The following SERPIND1 variants were observed in gnomAD, a reference collection of about 807,000 sequenced individuals.
SERPIND1 encodes the protein serpin family D member 1, also known as heparin cofactor 2.
SERPIND1 carries 34 observed loss-of-function variants against 35.0 expected under a neutral mutation model. The observed-to-expected ratio is 0.97, with a 90% CI of 0.74 to 1.29. The LOEUF is 1.29. SERPIND1 is among the 50% of genes most tolerant of loss of function. SERPIND1 has a pLI of 0.00. For synonymous variants in SERPIND1, 236 were observed against 241.1 expected (o/e 0.98, Z 0.19); for missense variants, 633 against 637.7 (o/e 0.99, Z 0.08).
In SERPIND1 at chr22:20,786,969, G is replaced by C; in HGVS notation, c.1403G>C (p.Arg468Pro). 6.2e-7 allele frequency: 1 copy of C among 1,614,160 alleles called. No individual in the cohort carries two copies. The highest frequency in any genetic ancestry group is 1.1e-5 in the South Asian group (1 of 91,078). ...VGFMPLSTQV[R>P]FTVDRPFLFL... ...TTCATGCCGCTGTCCACCCAAGTCC[G>C]CTTCACTGTCGACCGCCCCTTTCTT... is the stretch of plus-strand genomic sequence containing the variant. The change falls in exon 5 of 5, where the codon CGC becomes CCC. Residue 468 changes from arginine (R) to proline (P), a missense_variant. Arg to Pro is a moderately radical substitution (Grantham distance 103). Transcript: ENST00000215727.
At chr22:20,777,675 G>T (rs80306064) in intron 1 of SERPIND1, among the ~76,000 whole-genome samples, 22 of 152,324 alleles carry the variant, frequency 1.4e-4, no homozygotes, top group African/African-American at 5.1e-4. Context: ...GGGGTGATTA[G>T]AAGTTGGGAC....
intron 1 of SERPIND1, among the ~76,000 whole-genome samples, chr22:20,774,695 A>G (rs1933113105): frequency 6.6e-6 from 1 of 150,470 alleles, no homozygotes; most frequent in African/African-American, 2.4e-5. Context: ...CGGGAGGCAG[A>G]GGTTGCAGTG....
chr22:20,787,467 G>A lies in SERPIND1; in HGVS notation c.*401G>A, dbSNP rs1343577268. 6 of 332,790 alleles carry A rather than the reference G, an allele frequency of 1.8e-5. No individual in the cohort carries two copies. The highest frequency in any genetic ancestry group is 4.4e-5 in the Admixed American group (1 of 22,870). The allele number at this position is 332,790 out of a possible 1,614,324, so 20.6% of individuals were successfully genotyped here. ...AATACCAAGCACAGAAATGAGTGGT[G>A]TGACTAATTCCTTACCTCTCCCAAG... On this transcript the variant is annotated 3_prime_UTR_variant, in exon 5 of 5. Transcript: ENST00000215727.
rs1310121084 is a variant in SERPIND1 at position 20,787,057 on chromosome 22, C to G, written c.1491C>G (p.Ser497Arg). Residue 497 changes from serine (S) to arginine (R), a missense_variant, in exon 5 of 5, where the codon AGC (serine) becomes AGG (arginine). Coordinates refer to ENST00000215727, the MANE Select transcript of SERPIND1 (RefSeq NM_000185.4). ...TCATGGGAAGAGTGGCCAACCCCAGCAGGTCCTAGAGGTGGAGGTCTAGGT... is the reference window on the plus strand; with the variant it reads ...TCATGGGAAGAGTGGCCAACCCCAGGAGGTCCTAGAGGTGGAGGTCTAGGT... ...LLFMGRVANP[S>R]RS is the part of the protein sequence containing the mutation. 1.9e-6 allele frequency: 3 copies of G among 1,614,128 alleles called. No homozygotes were observed. Among genetic ancestry groups the G allele is most frequent in the Admixed American group, 3.3e-5 (2 of 60,030 alleles).
intron 2 of SERPIND1, among the ~76,000 whole-genome samples, chr22:20,780,701 G>A (rs1425043290): frequency 2.0e-5 from 3 of 149,038 alleles, no homozygotes; most frequent in African/African-American, 5.0e-5. Flanking sequence ...ACTTGAACCT[G>A]GAAGGCAGAG....
intron 1 of SERPIND1, among the ~76,000 whole-genome samples, chr22:20,774,976 T>C (rs990004819): frequency 2.6e-5 from 4 of 152,152 alleles, no homozygotes; most frequent in Non-Finnish European, 2.9e-5. Flanking sequence ...TCTACTACAC[T>C]ATTCTTTCAA....
chr22:20,780,051 G>A lies in SERPIND1; in HGVS notation c.739G>A (p.Glu247Lys), dbSNP rs1297371941. The change falls in exon 2 of 5, where the codon GAG (glutamate) becomes AAG (lysine). Residue 247 changes from glutamate (E) to lysine (K), a missense_variant. Physicochemically the swap from Glu to Lys is moderately conservative, Grantham distance 56 (BLOSUM62 1). Coordinates refer to ENST00000215727, the MANE Select transcript of SERPIND1 (RefSeq NM_000185.4). ...KTKVREYYFA[E>K]AQIADFSDPA... is the part of the protein sequence containing the mutation. ...TAAAGTAAGAGAGTATTACTTTGCTGAGGCCCAGATAGCTGACTTCTCAGA... is the reference window on the plus strand; with the variant it reads ...TAAAGTAAGAGAGTATTACTTTGCTAAGGCCCAGATAGCTGACTTCTCAGA... The A allele has an allele frequency of 1.2e-6, 2 of 1,614,078 alleles. No homozygotes were observed. Among genetic ancestry groups the A allele is most frequent in the East Asian group, 2.2e-5 (1 of 44,874 alleles).
In SERPIND1 at chr22:20,786,232, C is replaced by T. The variant is rs1289277578; in HGVS notation, c.1308+84C>T. 7 of 1,442,016 alleles carry T rather than the reference C, an allele frequency of 4.9e-6. 1 individual carries two copies. Among genetic ancestry groups the T allele is most frequent in the Non-Finnish European group, 5.8e-6 (6 of 1,029,716 alleles). 89.3% of individuals were successfully genotyped at this position (1,442,016 alleles called of 1,614,324 possible). A position where few individuals can be genotyped will look rare whatever the true frequency, so the allele number is the denominator to read the frequency against. On this transcript the variant is annotated intron_variant, in intron 4 of 4. Coordinates refer to ENST00000215727, the MANE Select transcript of SERPIND1 (RefSeq NM_000185.4). ...ACCTCCACTTGCCCTTCCTACCCACCCCCCAATCTCATGTCCCAGCTTGGG... is the reference window on the plus strand; with the variant it reads ...ACCTCCACTTGCCCTTCCTACCCACTCCCCAATCTCATGTCCCAGCTTGGG...
chr22:20,779,651 C>T lies in SERPIND1; in HGVS notation c.339C>T (p.Ile113=). 1.2e-6 allele frequency: 2 copies of T among 1,614,036 alleles called. No homozygotes were observed. Among genetic ancestry groups the T allele is most frequent in the African/African-American group, 1.3e-5 (1 of 75,062 alleles). ...PTDSDVSAGN[I]LQLFHGKSRI... is the part of the protein sequence containing the mutation. The stretch of plus-strand genomic sequence containing the variant: ...ACTCTGATGTGAGTGCTGGGAACAT[C>T]CTCCAGCTTTTTCATGGCAAGAGCC... The change falls in exon 2 of 5, where the codon ATC becomes ATT. Residue 113 remains isoleucine, a synonymous_variant. Transcript: ENST00000215727.
Position 20,786,926 on chromosome 22 carries a change from A to C in SERPIND1, c.1360A>C (p.Thr454Pro), listed in dbSNP as rs779418698. 1 of 1,614,154 alleles carries C rather than the reference A, an allele frequency of 6.2e-7. No homozygotes were observed. The highest frequency in any genetic ancestry group is 8.5e-7 in the Non-Finnish European group (1 of 1,180,016). The change falls in exon 5 of 5, where the codon ACT (threonine) becomes CCT (proline). Residue 454 changes from threonine (T) to proline (P), a missense_variant. Thr to Pro is a conservative substitution (Grantham distance 38, BLOSUM62 -1). Transcript: ENST00000215727. ...GAACGAGGAAGGCACCCAAGCCACC[A>C]CTGTGACCACGGTGGGGTTCATGCC... Reference protein sequence around the residue: ...TVNEEGTQATTVTTVGFMPLS... With the variant: ...TVNEEGTQATPVTTVGFMPLS...
intron 3 of SERPIND1, among the ~76,000 whole-genome samples, chr22:20,785,771 C>A (rs539298490): frequency 6.6e-6 from 1 of 152,238 alleles, no homozygotes; most frequent in African/African-American, 2.4e-5. Context: ...ACGAACCATA[C>A]AGTCTCAAGG....
intron 2 of SERPIND1, among the ~76,000 whole-genome samples, 189 bp from the exon 3 acceptor site, chr22:20,783,783 T>G (rs1302564695): frequency 4.6e-5 from 7 of 152,120 alleles, no homozygotes; most frequent in Admixed American, 3.9e-4. Flanking sequence ...CCGGGTAACC[T>G]CTCGTTAACC....
chr22:20,786,808 T>G (rs1385451763), intron 4 of SERPIND1, 67 bp from the exon 5 acceptor site: 15 of 1,449,468 alleles, frequency 1.0e-5, no homozygotes, highest in Non-Finnish European at 1.4e-5. Flanking sequence ...TGATATGAGA[T>G]TGTGCTGGGA....
At position 20,784,129 on chromosome 22, in the gene SERPIND1, C is replaced by T. The variant is rs767023398; in HGVS notation, c.1047C>T (p.Tyr349=). Residue 349 remains tyrosine, a synonymous_variant, in exon 3 of 5, where the codon TAC becomes TAT. Coordinates refer to ENST00000215727, the MANE Select transcript of SERPIND1 (RefSeq NM_000185.4). ...ACTGCGACATCCTCCAGCTGGAATA[C>T]GTGGGGGGCATCAGCATGCTAATTG... is the stretch of plus-strand genomic sequence containing the variant. ...ELDCDILQLE[Y]VGGISMLIVV... 17 of 1,614,146 alleles carry T rather than the reference C, an allele frequency of 1.1e-5. No individual in the cohort carries two copies. Among genetic ancestry groups the T allele is most frequent in the South Asian group, 6.6e-5 (6 of 91,076 alleles).
rs1933628452 is a variant in SERPIND1, at chr22:20,779,896, T to C, written c.584T>C (p.Ile195Thr). The change falls in exon 2 of 5, where the codon ATC becomes ACC. Residue 195 changes from isoleucine to threonine, a missense_variant. Ile to Thr is a moderately conservative substitution (Grantham distance 89). Coordinates refer to ENST00000215727, the MANE Select transcript of SERPIND1 (RefSeq NM_000185.4). ...DFVNASSKYEITTIHNLFRKL... is the reference protein window; with the variant it reads ...DFVNASSKYETTTIHNLFRKL... ...GTTAATGCCAGCAGCAAGTATGAAA[T>C]CACGACCATTCATAATCTCTTCCGT... is the stretch of plus-strand genomic sequence containing the variant. 6.2e-7 allele frequency: 1 copy of C among 1,614,252 alleles called. No individual in the cohort carries two copies. Among genetic ancestry groups the C allele is most frequent in the Non-Finnish European group, 8.5e-7 (1 of 1,180,056 alleles).
At chr22:20,781,541 T>C (rs1933800182) in intron 2 of SERPIND1, among the ~76,000 whole-genome samples, 1 of 152,228 alleles carries the variant, frequency 6.6e-6, no homozygotes, top group African/African-American at 2.4e-5. Flanking sequence ...TCCACACACC[T>C]GCTCTGTGCC....
intron 3 of SERPIND1, among the ~76,000 whole-genome samples, chr22:20,784,688 G>A (rs1934066356): frequency 6.6e-6 from 1 of 152,154 alleles, no homozygotes; most frequent in South Asian, 2.1e-4. Flanking sequence ...GAAATTCCAA[G>A]GTCCTCTTAG....
rs930125664 is a variant in SERPIND1 at position 20,779,794 on chromosome 22, C to T, written c.482C>T (p.Ala161Val). Residue 161 changes from alanine to valine, a missense_variant, in exon 2 of 5, where the codon GCG becomes GTG. Transcript: ENST00000215727. ...ATAGCACCCGTTGGCATTTCTACTG[C>T]GATGGGTATGATTTCCTTAGGTCTG... The part of the protein sequence containing the change: ...IFIAPVGIST[A>V]MGMISLGLKG... 1.1e-5 allele frequency: 18 copies of T among 1,614,068 alleles called. No homozygotes were observed. Among genetic ancestry groups the T allele is most frequent in the African/African-American group, 2.7e-5 (2 of 74,938 alleles).
chr22:20,774,669 G>A (rs1333017829), intron 1 of SERPIND1, among the ~76,000 whole-genome samples: 1 of 151,672 alleles, frequency 6.6e-6, no homozygotes, highest in Non-Finnish European at 1.5e-5. Flanking sequence ...GCTGAGGCAG[G>A]AGAATCGCTT....
Sources: gnomAD v4.1 joint callset for allele counts (sites outside exome capture counted in the v4.1 genomes callset) on GRCh38, gnomAD v4.1.1 for gene constraint, MANE v1.5 for transcripts, NCBI Gene and HGNC (gene_info 2026-07-23, HGNC 2026-07-21) for gene names.